The following ROBO2 variants were observed in gnomAD, a reference collection of about 807,000 sequenced individuals.
ROBO2 encodes the protein roundabout homolog 2.
In ROBO2, 53 loss-of-function variants were observed where a neutral mutation model predicts 160.8. That is an observed-to-expected ratio of 0.33 (90% CI 0.26 to 0.41). The LOEUF (loss-of-function observed/expected upper bound fraction) is 0.41. ROBO2 is among the 10% of genes least tolerant of loss of function. The pLI, the probability that ROBO2 is intolerant of heterozygous loss-of-function variation, is 1.00. For missense variants in ROBO2, 1,577 were observed against 1,722.4 expected (o/e 0.92, Z 1.49); for synonymous variants, 664 against 611.7 (o/e 1.09, Z -1.26).
At chr3:76,046,427 A>T (rs1286694156) in intron 2 of ROBO2, among the ~76,000 whole-genome samples, 1 of 151,930 alleles carries the variant, frequency 6.6e-6, no homozygotes, top group Non-Finnish European at 1.5e-5. Context: ...ACGCGGGTGG[A>T]TCACAAGGTC....
chr3:77,595,729 C>T (rs1270293632), intron 18 of ROBO2, among the ~76,000 whole-genome samples: 4 of 152,110 alleles, frequency 2.6e-5, no homozygotes, highest in Non-Finnish European at 4.4e-5. Flanking sequence ...CTTCCAATCT[C>T]CCATTTAATC....
chr3:76,768,535 G>T (rs1046578477), intron 2 of ROBO2, among the ~76,000 whole-genome samples: 2 of 151,074 alleles, frequency 1.3e-5, no homozygotes, highest in African/African-American at 4.9e-5. Context: ...GTTGGTAATT[G>T]GCAGAGAAAT....
At chr3:77,211,862 T>C (rs1416043287) in intron 2 of ROBO2, among the ~76,000 whole-genome samples, 2 of 152,158 alleles carry the variant, frequency 1.3e-5, no homozygotes, top group Non-Finnish European at 2.9e-5. Context: ...TTTTGTCAGG[T>C]TTGTCAAAGA....
chr3:77,427,804 A>T (rs2153538552), intron 2 of ROBO2, among the ~76,000 whole-genome samples: 1 of 152,350 alleles, frequency 6.6e-6, no homozygotes, highest in Admixed American at 6.5e-5. Context: ...TACTGGAATA[A>T]TTTAAACTAT....
At chr3:77,332,040 G>C (rs892994340) in intron 2 of ROBO2, among the ~76,000 whole-genome samples, 1 of 152,106 alleles carries the variant, frequency 6.6e-6, no homozygotes, top group African/African-American at 2.4e-5. Flanking sequence ...ATATGGTAGT[G>C]TTATAACTGT....
At chr3:76,386,048 G>A (rs1179930142) in intron 2 of ROBO2, among the ~76,000 whole-genome samples, 3 of 151,976 alleles carry the variant, frequency 2.0e-5, no homozygotes, top group Non-Finnish European at 2.9e-5. Flanking sequence ...TCCTAAATGA[G>A]TACATCCTTA....
At chr3:76,206,914 A>G (rs542462374) in intron 2 of ROBO2, among the ~76,000 whole-genome samples, 46 of 152,302 alleles carry the variant, frequency 3.0e-4, no homozygotes, top group Non-Finnish European at 2.5e-4. Context: ...TCCAGACTTA[A>G]CAGCCTCAGA....
chr3:75,950,012 A>C (rs1207949785), intron 2 of ROBO2, among the ~76,000 whole-genome samples: 1 of 76,336 alleles, frequency 1.3e-5, no homozygotes, highest in African/African-American at 5.2e-5. Context: ...TTTTATCACT[A>C]CATATGCATG....
At chr3:76,210,873 A>G (rs1320114925) in intron 2 of ROBO2, among the ~76,000 whole-genome samples, 1 of 152,118 alleles carries the variant, frequency 6.6e-6, no homozygotes, top group Admixed American at 6.6e-5. Context: ...TATTAAATCT[A>G]TCATTTGTGT....
At chr3:76,415,804 T>C (rs562443814) in intron 2 of ROBO2, among the ~76,000 whole-genome samples, 1 of 152,210 alleles carries the variant, frequency 6.6e-6, no homozygotes, top group African/African-American at 2.4e-5. Context: ...AAAATGAAAA[T>C]CAGACAATAA....
chr3:77,107,060 T>C (rs1005821187), intron 2 of ROBO2, among the ~76,000 whole-genome samples: 1 of 152,210 alleles, frequency 6.6e-6, no homozygotes, highest in Admixed American at 6.5e-5. Flanking sequence ...TTCTCATAGT[T>C]CTGGAGCCTA....
intron 2 of ROBO2, among the ~76,000 whole-genome samples, chr3:76,095,063 C>T (rs142305780): frequency 2.0e-5 from 3 of 152,070 alleles, no homozygotes; most frequent in Non-Finnish European, 2.9e-5. Flanking sequence ...TAGGAAAAAG[C>T]GATATGGAAG....
chr3:76,250,239 A>G (rs931206445), intron 2 of ROBO2, among the ~76,000 whole-genome samples: 1 of 152,108 alleles, frequency 6.6e-6, no homozygotes, highest in Non-Finnish European at 1.5e-5. Flanking sequence ...AAAAGTCTAT[A>G]ACCCAGAATA....
intron 2 of ROBO2, among the ~76,000 whole-genome samples, chr3:76,469,750 C>G: frequency 6.6e-6 from 1 of 152,078 alleles, no homozygotes; most frequent in South Asian, 2.1e-4. Context: ...TACTCCCGCA[C>G]CCCTATGGCT....
intron 2 of ROBO2, among the ~76,000 whole-genome samples, chr3:76,925,908 A>G (rs2076963015): frequency 6.6e-6 from 1 of 152,228 alleles, no homozygotes; most frequent in Non-Finnish European, 1.5e-5. Context: ...CCTCTGGACA[A>G]AGAAAAGATT....
At chr3:77,443,725 A>G (rs1443437142) in intron 2 of ROBO2, among the ~76,000 whole-genome samples, 2 of 152,156 alleles carry the variant, frequency 1.3e-5, no homozygotes, top group African/African-American at 2.4e-5. Context: ...GTAAAAAGAC[A>G]TTAAATCCTC....
chr3:76,963,341 A>G (rs894677584), intron 2 of ROBO2, among the ~76,000 whole-genome samples: 2 of 152,162 alleles, frequency 1.3e-5, no homozygotes, highest in African/African-American at 4.8e-5. Flanking sequence ...GTTCTGATAG[A>G]AAATAATACA....
chr3:77,042,137 C>T (rs1388833023), intron 1 of ROBO2, among the ~76,000 whole-genome samples: 1 of 152,138 alleles, frequency 6.6e-6, no homozygotes, highest in Non-Finnish European at 1.5e-5. Flanking sequence ...TACATGAGTA[C>T]CTTTGCCCCC....
At chr3:76,673,568 T>C (rs2092326336) in intron 2 of ROBO2, among the ~76,000 whole-genome samples, 1 of 152,118 alleles carries the variant, frequency 6.6e-6, no homozygotes, top group East Asian at 1.9e-4. Flanking sequence ...TCATAGTAAA[T>C]AGAAATCAAG....
Sources: gnomAD v4.1 joint callset for allele counts (sites outside exome capture counted in the v4.1 genomes callset) on GRCh38, gnomAD v4.1.1 for gene constraint, MANE v1.5 for transcripts, NCBI Gene and HGNC (gene_info 2026-07-23, HGNC 2026-07-21) for gene names.